The following CREB5 variants were observed in gnomAD, a reference collection of about 807,000 sequenced individuals.
The protein encoded by CREB5 is cyclic AMP-responsive element-binding protein 5.
Under a neutral mutation model 57.1 loss-of-function variants are expected in CREB5, and 19 were observed. The observed-to-expected ratio is 0.33, with a 90% CI of 0.23 to 0.49. CREB5 has a LOEUF of 0.49. Ranked by LOEUF, CREB5 falls within the 20% of genes least tolerant of loss-of-function variation. The pLI, the probability that CREB5 is intolerant of heterozygous loss-of-function variation, is 0.99. For missense variants in CREB5, 579 were observed against 671.6 expected (o/e 0.86, Z 1.52); for synonymous variants, 238 against 238.3 (o/e 1.00, Z 0.01).
chr7:28,781,384 T>C (rs1806962153), intron 7 of CREB5, among the ~76,000 whole-genome samples: 1 of 152,204 alleles, frequency 6.6e-6, no homozygotes, highest in African/African-American at 2.4e-5. Flanking sequence ...AAAATGTTAA[T>C]GTGTGGTCTT....
intron 1 of CREB5, among the ~76,000 whole-genome samples, chr7:28,370,937 C>T (rs867177765): frequency 9.2e-5 from 14 of 152,192 alleles, no homozygotes; most frequent in African/African-American, 3.4e-4. Context: ...AAACCAAAAC[C>T]TCTGAGGAAG....
chr7:28,624,675 T>TG (rs913638931), intron 5 of CREB5, among the ~76,000 whole-genome samples: 5 of 68,396 alleles, frequency 7.3e-5, no homozygotes, highest in Admixed American at 1.9e-4. Context: ...CCAACAGACG[T>TG]GAAAAAAAAA....
At chr7:28,314,104 T>C (rs1785331658) in intron 1 of CREB5, among the ~76,000 whole-genome samples, 1 of 152,160 alleles carries the variant, frequency 6.6e-6, no homozygotes, top group South Asian at 2.1e-4. Flanking sequence ...GAAACATATC[T>C]ATGTTTCCAA....
intron 4 of CREB5, among the ~76,000 whole-genome samples, chr7:28,553,888 T>G (rs1250424012): frequency 6.6e-6 from 1 of 152,208 alleles, no homozygotes; most frequent in African/African-American, 2.4e-5. Flanking sequence ...ATTCTTTGGC[T>G]GATGGGAGGT....
chr7:28,375,928 C>A (rs764781505), intron 1 of CREB5, among the ~76,000 whole-genome samples: 12 of 152,164 alleles, frequency 7.9e-5, no homozygotes, highest in Non-Finnish European at 1.8e-4. Flanking sequence ...AAAACTGAGG[C>A]ACAAAGAAGT....
intron 5 of CREB5, among the ~76,000 whole-genome samples, chr7:28,653,423 T>C (rs1197054895): frequency 1.3e-5 from 2 of 152,172 alleles, no homozygotes; most frequent in Admixed American, 1.3e-4. Flanking sequence ...TGAGCCTGAC[T>C]GAGTGTGGGT....
At chr7:28,595,657 C>T (rs1262178935) in intron 5 of CREB5, among the ~76,000 whole-genome samples, 2 of 152,326 alleles carry the variant, frequency 1.3e-5, no homozygotes, top group African/African-American at 2.4e-5. Flanking sequence ...CTTTTTACTT[C>T]TCAACGCTTC....
At chr7:28,685,885 A>C (rs1189641765) in intron 5 of CREB5, 1 of 407,788 alleles carries the variant, frequency 2.5e-6, no homozygotes, top group Non-Finnish European at 4.4e-6. Flanking sequence ...TTTTGGTTAC[A>C]TTGAAGTTTT....
intron 7 of CREB5, among the ~76,000 whole-genome samples, chr7:28,739,935 C>T (rs1804239136): frequency 6.6e-6 from 1 of 152,186 alleles, no homozygotes; most frequent in South Asian, 2.1e-4. Flanking sequence ...TGGGACTGCC[C>T]CTTATACAAT....
At chr7:28,463,768 C>T (rs184041919) in intron 1 of CREB5, among the ~76,000 whole-genome samples, 17 of 152,152 alleles carry the variant, frequency 1.1e-4, no homozygotes, top group Admixed American at 5.2e-4. Context: ...TACCTTGTAT[C>T]CTACAAGGCT....
intron 4 of CREB5, among the ~76,000 whole-genome samples, chr7:28,545,092 T>G (rs1312901861): frequency 6.6e-6 from 1 of 152,194 alleles, no homozygotes; most frequent in Non-Finnish European, 1.5e-5. Context: ...TCAGCACTGC[T>G]TAGATCAATA....
At chr7:28,318,196 A>G (rs1473685939) in intron 1 of CREB5, among the ~76,000 whole-genome samples, 2 of 152,210 alleles carry the variant, frequency 1.3e-5, no homozygotes, top group Non-Finnish European at 2.9e-5. Context: ...TGTTTCTTCT[A>G]CAAATCCTAT....
intron 5 of CREB5, among the ~76,000 whole-genome samples, chr7:28,640,015 A>T (rs1454346759): frequency 2.0e-5 from 3 of 152,094 alleles, no homozygotes. Context: ...ATGCCTCTTC[A>T]CTCTGGCCTC....
intron 5 of CREB5, among the ~76,000 whole-genome samples, chr7:28,599,757 T>TTGTTTTGTTTTG (rs77634978): frequency 6.6e-6 from 1 of 151,528 alleles, no homozygotes; most frequent in African/African-American, 2.4e-5. Flanking sequence ...TTGTTTTGTT[T>TTGTTTTGTTTTG]TTTTATTGTA....
At chr7:28,554,825 T>G (rs1794795049) in intron 4 of CREB5, among the ~76,000 whole-genome samples, 1 of 152,198 alleles carries the variant, frequency 6.6e-6, no homozygotes, top group Non-Finnish European at 1.5e-5. Flanking sequence ...GCTCTATATG[T>G]GAATCTAGAC....
chr7:28,462,866 G>A (rs1790405015), intron 1 of CREB5, among the ~76,000 whole-genome samples: 3 of 151,936 alleles, frequency 2.0e-5, no homozygotes, highest in Admixed American at 1.3e-4. Flanking sequence ...CATTCTGTGG[G>A]TTTTCTTTTC....
chr7:28,608,031 C>T (rs992437166), intron 5 of CREB5, among the ~76,000 whole-genome samples: 3 of 151,622 alleles, frequency 2.0e-5, no homozygotes, highest in African/African-American at 7.3e-5. Flanking sequence ...CATCAGGGCA[C>T]TGAGAGATCT....
chr7:28,619,808 A>T (rs1797728074), intron 5 of CREB5, among the ~76,000 whole-genome samples: 1 of 152,204 alleles, frequency 6.6e-6, no homozygotes, highest in Admixed American at 6.5e-5. Flanking sequence ...GCTCATAGGA[A>T]ATAGCACTGA....
chr7:28,562,061 A>G (rs1379616483), intron 4 of CREB5, among the ~76,000 whole-genome samples: 1 of 152,200 alleles, frequency 6.6e-6, no homozygotes, highest in African/African-American at 2.4e-5. Flanking sequence ...ATCATTTTTA[A>G]TGGCACGAGA....
Sources: gnomAD v4.1 joint callset for allele counts (sites outside exome capture counted in the v4.1 genomes callset) on GRCh38, gnomAD v4.1.1 for gene constraint, MANE v1.5 for transcripts, NCBI Gene and HGNC (gene_info 2026-07-23, HGNC 2026-07-21) for gene names.